Variants in AATF observed in about 807,000 individuals in gnomAD.
The protein encoded by AATF is apoptosis antagonizing transcription factor, also known as protein AATF.
Under a neutral mutation model 63.7 loss-of-function variants are expected in AATF, and 48 were observed. That is an observed-to-expected ratio of 0.75 (90% confidence interval 0.60 to 0.96). AATF has a LOEUF of 0.96. AATF is among the 40% of genes least tolerant of loss of function. The pLI, the probability that AATF is intolerant of heterozygous loss-of-function variation, is 0.00. For synonymous variants in AATF, 258 were observed against 247.7 expected, an observed-to-expected ratio of 1.04 and a Z score of -0.39; for missense variants, 639 against 685.7, an observed-to-expected ratio of 0.93 and a Z score of 0.76.
Position 36,952,919 on chromosome 17 carries a change from A to G in AATF, c.317A>G (p.Asp106Gly). 6.2e-7 allele frequency: 1 copy of G among 1,614,034 alleles called. No homozygotes were observed. The highest frequency in any genetic ancestry group is 1.3e-5 in the African/African-American group (1 of 74,996). The stretch of plus-strand genomic sequence containing the variant: ...ATATCTGATGAGGAAGGGTCTGGAG[A>G]TGAAGATTCAGAGGGACTGGGTCTG... Reference protein sequence around the residue: ...EEISDEEGSGDEDSEGLGLEE... With the variant: ...EEISDEEGSGGEDSEGLGLEE... The change falls in exon 3 of 12, where the codon GAT (aspartate) becomes GGT (glycine). Residue 106 changes from aspartate (D) to glycine (G), a missense_variant. Coordinates refer to ENST00000619387, the MANE Select transcript of AATF (RefSeq NM_012138.4).
At chr17:36,971,172 A>G (rs1247237601) in intron 4 of AATF, among the ~76,000 whole-genome samples, 1 of 152,226 alleles carries the variant, frequency 6.6e-6, no homozygotes, top group Non-Finnish European at 1.5e-5. Context: ...TGCAGATCAC[A>G]TAATTAACAA....
At chr17:37,030,080 G>A (rs1378046170) in intron 10 of AATF, among the ~76,000 whole-genome samples, 1 of 151,356 alleles carries the variant, frequency 6.6e-6, no homozygotes, top group Non-Finnish European at 1.5e-5. Context: ...TTTTTTCTGG[G>A]TTGGTGTGGG....
chr17:36,951,814 T>C (rs1026752598), intron 2 of AATF, among the ~76,000 whole-genome samples: 1 of 152,246 alleles, frequency 6.6e-6, no homozygotes, highest in Non-Finnish European at 1.5e-5. Flanking sequence ...CTTTGTGTCT[T>C]AAGTTTATAT....
intron 4 of AATF, among the ~76,000 whole-genome samples, chr17:36,966,635 C>G (rs2070993605): frequency 6.6e-6 from 1 of 152,048 alleles, no homozygotes; most frequent in South Asian, 2.1e-4. Flanking sequence ...TGTTCCTTTT[C>G]TGTATAATTA....
At chr17:37,003,959 G>A (rs75409868) in intron 8 of AATF, among the ~76,000 whole-genome samples, 1 of 152,066 alleles carries the variant, frequency 6.6e-6, no homozygotes, top group East Asian at 1.9e-4. Flanking sequence ...CAAAAAATTA[G>A]CAGGGCATGG....
intron 11 of AATF, among the ~76,000 whole-genome samples, chr17:37,048,436 T>A (rs2071715076): frequency 7.1e-6 from 1 of 141,134 alleles, no homozygotes; most frequent in Non-Finnish European, 1.5e-5. Context: ...AATGGCACAA[T>A]CTCGGCTCAC....
chr17:36,986,577 T>C, intron 4 of AATF, 40 bp from the exon 5 acceptor site: 1 of 1,539,234 alleles, frequency 6.5e-7, no homozygotes, highest in South Asian at 1.1e-5. Flanking sequence ...TGGAGAATTG[T>C]AGATAATTAA....
At chr17:36,992,516 A>G (rs2071223446) in intron 8 of AATF, among the ~76,000 whole-genome samples, 1 of 152,154 alleles carries the variant, frequency 6.6e-6, no homozygotes, top group African/African-American at 2.4e-5. Context: ...TGAAGTGTAC[A>G]TTGTTCGATG....
At chr17:37,022,463 G>GTA (rs1202203146) in intron 10 of AATF, among the ~76,000 whole-genome samples, 3 of 152,148 alleles carry the variant, frequency 2.0e-5, no homozygotes, top group Non-Finnish European at 4.4e-5. Context: ...GCTTTGCAAA[G>GTA]TATCGTCCTT....
intron 8 of AATF, among the ~76,000 whole-genome samples, chr17:37,015,262 G>A (rs2071420600): frequency 6.6e-6 from 1 of 152,158 alleles, no homozygotes; most frequent in Admixed American, 6.5e-5. Context: ...GTCAGAATTT[G>A]TATTTGTTTG....
chr17:36,956,979 GA>G (rs146560113), intron 4 of AATF, among the ~76,000 whole-genome samples: 11 of 145,508 alleles, frequency 7.6e-5, no homozygotes, highest in East Asian at 2.0e-4. Context: ...TGTCCCCCCC[GA>G]AAAAAAAAAG....
intron 11 of AATF, among the ~76,000 whole-genome samples, chr17:37,038,262 C>G (rs2071608754): frequency 6.6e-6 from 1 of 152,168 alleles, no homozygotes; most frequent in African/African-American, 2.4e-5. Context: ...TTTTGACAGA[C>G]CCTCTGAGGC....
chr17:37,002,387 G>A (rs1173198855), intron 8 of AATF, among the ~76,000 whole-genome samples: 3 of 151,908 alleles, frequency 2.0e-5, no homozygotes, highest in Non-Finnish European at 1.5e-5. Context: ...ATAGCATCTG[G>A]CTGGGCATGG....
chr17:36,989,866 T>C (rs1055673793), intron 7 of AATF, among the ~76,000 whole-genome samples: 1 of 152,162 alleles, frequency 6.6e-6, no homozygotes, highest in African/African-American at 2.4e-5. Context: ...CTTAATCCTT[T>C]TTTAGTTTAT....
At chr17:36,990,075 A>G (rs1405822783) in intron 7 of AATF, among the ~76,000 whole-genome samples, 2 of 129,556 alleles carry the variant, frequency 1.5e-5, no homozygotes, top group African/African-American at 2.6e-5. Flanking sequence ...GTGTAACTAT[A>G]TATGTGTGCA....
At chr17:37,008,864 GTAAC>G (rs1254270576) in intron 8 of AATF, among the ~76,000 whole-genome samples, 1 of 152,136 alleles carries the variant, frequency 6.6e-6, no homozygotes, top group Non-Finnish European at 1.5e-5. Flanking sequence ...CACACACACT[GTAAC>G]TGAAATTAAT....
chr17:36,986,353 A>T (rs1380289447), intron 4 of AATF, among the ~76,000 whole-genome samples: 1 of 152,188 alleles, frequency 6.6e-6, no homozygotes. Context: ...CTGACAATGT[A>T]TTGGACTCTT....
intron 4 of AATF, among the ~76,000 whole-genome samples, chr17:36,960,875 T>C (rs1462847443): frequency 6.6e-6 from 1 of 152,176 alleles, no homozygotes; most frequent in African/African-American, 2.4e-5. Flanking sequence ...TTTTTTAAAA[T>C]AGCTTCAGTG....
intron 10 of AATF, among the ~76,000 whole-genome samples, chr17:37,031,172 C>CATGG (rs2071549014): frequency 1.3e-5 from 2 of 150,726 alleles, no homozygotes; most frequent in African/African-American, 5.0e-5. Flanking sequence ...AATATTCAGG[C>CATGG]ATGGGGAAAG....
Sources: gnomAD v4.1 joint callset for allele counts (sites outside exome capture counted in the v4.1 genomes callset) on GRCh38, gnomAD v4.1.1 for gene constraint, MANE v1.5 for transcripts, NCBI Gene and HGNC (gene_info 2026-07-23, HGNC 2026-07-21) for gene names.